AGMO: variants seen among roughly 807,000 people sequenced by gnomAD.
AGMO encodes glyceryl-ether monooxygenase.
Under a neutral mutation model 60.2 loss-of-function variants are expected in AGMO, and 75 were observed. The observed-to-expected ratio is 1.25, with a 90% CI of 1.03 to 1.51. AGMO has a LOEUF of 1.51. AGMO is among the 40% of genes most tolerant of loss of function. The pLI is 0.00. For synonymous variants in AGMO, 261 were observed against 177.1 expected, an observed-to-expected ratio of 1.47 and a Z score of -3.76; for missense variants, 763 against 525.5, an observed-to-expected ratio of 1.45 and a Z score of -4.42.
the AGMO span, among the ~76,000 whole-genome samples, chr7:15,146,866 C>T: frequency 3.9e-5 from 6 of 152,284 alleles, no homozygotes; most frequent in African/African-American, 1.2e-4. Context: ...AAGTAGCTAA[C>T]ACTATATTCA....
chr7:15,332,180 G>A (rs1024285866), intron 12 of AGMO, among the ~76,000 whole-genome samples: 1 of 152,144 alleles, frequency 6.6e-6, no homozygotes, highest in Admixed American at 6.6e-5. Context: ...TGTTAAGCCA[G>A]TAATACTCTG....
chr7:15,324,935 G>A (rs1781291124), intron 12 of AGMO, among the ~76,000 whole-genome samples: 1 of 151,990 alleles, frequency 6.6e-6, no homozygotes, highest in Non-Finnish European at 1.5e-5. Flanking sequence ...TGGTTGGGGA[G>A]TTGGGGACCC....
chr7:15,485,533 G>A (rs1325533525), intron 3 of AGMO, among the ~76,000 whole-genome samples: 1 of 152,094 alleles, frequency 6.6e-6, no homozygotes, highest in Non-Finnish European at 1.5e-5. Flanking sequence ...GGTGGTTAAT[G>A]CTTTTTTGGT....
At chr7:15,444,045 T>C (rs1158253054) in intron 3 of AGMO, among the ~76,000 whole-genome samples, 1 of 152,222 alleles carries the variant, frequency 6.6e-6, no homozygotes, top group Non-Finnish European at 1.5e-5. Flanking sequence ...AATACTCTAC[T>C]ATTTTGTATC....
chr7:15,538,509 CT>C (rs1784535367), intron 3 of AGMO, among the ~76,000 whole-genome samples: 1 of 152,052 alleles, frequency 6.6e-6, no homozygotes, highest in Non-Finnish European at 1.5e-5. Context: ...GCTGAGAGTG[CT>C]GAGATTACAG....
At chr7:15,325,497 T>C (rs1334490321) in intron 12 of AGMO, among the ~76,000 whole-genome samples, 1 of 152,040 alleles carries the variant, frequency 6.6e-6, no homozygotes, top group African/African-American at 2.4e-5. Context: ...TCTCACAAAA[T>C]TTACATCCAA....
intron 10 of AGMO, among the ~76,000 whole-genome samples, chr7:15,368,156 G>A (rs1783057072): frequency 6.6e-6 from 1 of 151,816 alleles, no homozygotes; most frequent in Non-Finnish European, 1.5e-5. Context: ...GGGGCACAAT[G>A]ATAGGTATTA....
intron 12 of AGMO, among the ~76,000 whole-genome samples, chr7:15,276,317 G>A (rs564977753): frequency 1.6e-4 from 24 of 151,956 alleles, no homozygotes; most frequent in Admixed American, 1.0e-3. Flanking sequence ...CAAAAGTATC[G>A]ACTGGCATTT....
chr7:15,501,233 T>C (rs1783379107), intron 3 of AGMO, among the ~76,000 whole-genome samples: 1 of 152,100 alleles, frequency 6.6e-6, no homozygotes, highest in South Asian at 2.1e-4. Flanking sequence ...GACCTGAATA[T>C]ATTTGTTAAT....
At chr7:15,320,972 C>T (rs1344011460) in intron 12 of AGMO, among the ~76,000 whole-genome samples, 2 of 152,100 alleles carry the variant, frequency 1.3e-5, no homozygotes, top group African/African-American at 4.8e-5. Flanking sequence ...TGTAAGGAAA[C>T]TCTCCCTCAC....
chr7:15,210,613 A>G (rs567241831), intron 12 of AGMO, among the ~76,000 whole-genome samples: 1 of 152,256 alleles, frequency 6.6e-6, no homozygotes, highest in African/African-American at 2.4e-5. Context: ...TTACTAGGTA[A>G]CTAACTGTTC....
At chr7:15,322,234 T>C (rs1486567498) in intron 12 of AGMO, among the ~76,000 whole-genome samples, 2 of 148,776 alleles carry the variant, frequency 1.3e-5, no homozygotes, top group African/African-American at 4.9e-5. Flanking sequence ...TATAATATAA[T>C]GTAATATAAT....
chr7:15,539,819 T>C (rs1784575967), intron 3 of AGMO, among the ~76,000 whole-genome samples: 1 of 152,232 alleles, frequency 6.6e-6, no homozygotes, highest in Non-Finnish European at 1.5e-5. Context: ...GACTTTTTAA[T>C]AATAGTCATT....
chr7:15,154,039 C>G, the AGMO span, among the ~76,000 whole-genome samples: 1 of 152,010 alleles, frequency 6.6e-6, no homozygotes, highest in African/African-American at 2.4e-5. Context: ...ATCAATCAAA[C>G]AAGAGAAATA....
Position 15,369,836 on chromosome 7 carries a change from G to A in AGMO, c.1075-3614C>T, listed in dbSNP as rs954057697. 2.0e-5 allele frequency among the ~76,000 whole-genome samples: 3 copies of A among 152,116 alleles called. No homozygotes were observed. The South Asian group carries it at 6.2e-4, about 32-fold the overall frequency. On this transcript the variant is annotated intron_variant, in intron 10 of 12. Transcript: ENST00000342526. The stretch of plus-strand genomic sequence containing the variant: ...TGATAAAATGTTTATATTTGTTTTA[G>A]TATTAATACATTAAATGTTATTACA...
At chr7:15,217,031 T>C (rs1563039451) in intron 12 of AGMO, among the ~76,000 whole-genome samples, 1 of 152,044 alleles carries the variant, frequency 6.6e-6, no homozygotes, top group South Asian at 2.1e-4. Context: ...ATACCTAATA[T>C]ATAGCTTACC....
chr7:15,190,101 A>T, the AGMO span, among the ~76,000 whole-genome samples: 1 of 1,058 alleles, frequency 9.5e-4, no homozygotes, highest in African/African-American at 3.0e-3. Context: ...ATATTTATAT[A>T]TATATATATA....
intron 12 of AGMO, among the ~76,000 whole-genome samples, chr7:15,209,713 G>T (rs899859016): frequency 2.0e-5 from 3 of 152,028 alleles, no homozygotes; most frequent in Non-Finnish European, 2.9e-5. Flanking sequence ...TGGACCCAAG[G>T]GTATACAGAG....
the AGMO span, among the ~76,000 whole-genome samples, chr7:15,178,771 G>A: frequency 6.6e-6 from 1 of 152,108 alleles, no homozygotes; most frequent in Non-Finnish European, 1.5e-5. Context: ...ATTTTCTGCT[G>A]CTATCACAGA....
Sources: allele counts gnomAD v4.1 joint callset (sites outside exome capture counted in the v4.1 genomes callset), GRCh38; gene constraint gnomAD v4.1.1; transcripts MANE v1.5; gene names NCBI Gene and HGNC (gene_info 2026-07-23, HGNC 2026-07-21).